Variants in ITPR1 observed in about 807,000 individuals in gnomAD.
ITPR1 encodes the protein inositol 1,4,5-trisphosphate receptor type 1.
Under a neutral mutation model 318.4 loss-of-function variants are expected in ITPR1, and 96 were observed. That is an observed-to-expected ratio of 0.30 (90% CI 0.26 to 0.36). The LOEUF is 0.36. ITPR1 is among the 10% of genes least tolerant of loss of function. The pLI, the probability that ITPR1 is intolerant of heterozygous loss-of-function variation, is 1.00. For missense variants in ITPR1, 2,440 were observed against 3,460.2 expected (o/e 0.71, Z 7.40); for synonymous variants, 1,312 against 1,289.9 (o/e 1.02, Z -0.37).
chr3:4,578,037 A>C (rs1416873541), intron 4 of ITPR1, among the ~76,000 whole-genome samples: 1 of 152,260 alleles, frequency 6.6e-6, no homozygotes, highest in Non-Finnish European at 1.5e-5. Flanking sequence ...GAAACTGTGC[A>C]TTCTATACTC....
At chr3:4,610,678 G>T (rs1001715530) in intron 4 of ITPR1, among the ~76,000 whole-genome samples, 1 of 152,128 alleles carries the variant, frequency 6.6e-6, no homozygotes, top group Non-Finnish European at 1.5e-5. Flanking sequence ...GGTTTAACCC[G>T]AAGTCCATGG....
At chr3:4,796,291 C>G (rs2047892305) in intron 53 of ITPR1, among the ~76,000 whole-genome samples, 1 of 97,156 alleles carries the variant, frequency 1.0e-5, no homozygotes, top group Non-Finnish European at 2.2e-5. Context: ...AACACAAGTC[C>G]AGGGGGGATT....
intron 57 of ITPR1, 42 bp from the exon 58 acceptor site, chr3:4,814,381 C>T: frequency 6.2e-7 from 1 of 1,610,018 alleles, no homozygotes; most frequent in Non-Finnish European, 8.5e-7. Flanking sequence ...TCTCTCTTTT[C>T]TCCTCACGTT....
chr3:4,799,505 C>A (rs2048090436), intron 53 of ITPR1, among the ~76,000 whole-genome samples: 1 of 152,184 alleles, frequency 6.6e-6, no homozygotes, highest in Non-Finnish European at 1.5e-5. Context: ...GCAAAGGTGT[C>A]TCCTCCCCAG....
At chr3:4,813,533 G>A (rs1490869445) in intron 57 of ITPR1, among the ~76,000 whole-genome samples, 3 of 152,206 alleles carry the variant, frequency 2.0e-5, no homozygotes, top group Admixed American at 2.0e-4. Flanking sequence ...TTGCTAGAGA[G>A]TTGCCCAATG....
At chr3:4,706,730 G>A (rs1254744709) in intron 37 of ITPR1, among the ~76,000 whole-genome samples, 2 of 152,188 alleles carry the variant, frequency 1.3e-5, no homozygotes, top group African/African-American at 4.8e-5. Flanking sequence ...AACAAGGGTG[G>A]TGATACCTGA....
intron 4 of ITPR1, among the ~76,000 whole-genome samples, chr3:4,546,385 C>G (rs2124987663): frequency 6.6e-6 from 1 of 152,240 alleles, no homozygotes; most frequent in South Asian, 2.1e-4. Context: ...TACCCATTTT[C>G]CAGCCAAAAG....
chr3:4,541,672 C>G (rs2084459779), intron 4 of ITPR1, among the ~76,000 whole-genome samples: 2 of 151,952 alleles, frequency 1.3e-5, no homozygotes, highest in Admixed American at 1.3e-4. Flanking sequence ...TGTTGCCAGG[C>G]TGGAGTGCAG....
At chr3:4,652,250 A>G in intron 11 of ITPR1, 32 bp downstream of exon 11, 3 of 1,510,232 alleles carry the variant, frequency 2.0e-6, no homozygotes, top group East Asian at 2.3e-5. Context: ...TTTCTCTTTC[A>G]AGGCTGACGC....
intron 43 of ITPR1, 109 bp from the exon 44 acceptor site, chr3:4,735,055 T>A: frequency 1.2e-6 from 1 of 808,902 alleles, no homozygotes. Flanking sequence ...TTAAAAGAGA[T>A]GAACATGGGT....
chr3:4,582,108 G>A (rs1197469565), intron 4 of ITPR1, among the ~76,000 whole-genome samples: 2 of 152,076 alleles, frequency 1.3e-5, no homozygotes, highest in African/African-American at 2.4e-5. Context: ...CGGTGCTCCC[G>A]TACTGGCCTC....
intron 60 of ITPR1, chr3:4,825,624 A>G: frequency 2.3e-6 from 1 of 425,662 alleles, no homozygotes; most frequent in Non-Finnish European, 4.7e-6. Context: ...TGTATTTGAT[A>G]AGATGACACA....
Position 4,815,237 on chromosome 3 carries a change from C to T in ITPR1, c.7867+19C>T. 1.9e-6 allele frequency: 3 copies of T among 1,612,724 alleles called. No individual in the cohort carries two copies. On this transcript the variant is annotated intron_variant, in intron 59 of 61. Transcript: ENST00000649015. ...ATCTGTGGTGAGTGTCGCTGGCCAG[C>T]TCCAGCAAGGGCGTGAAGGCCCAGC...
At chr3:4,840,877 T>A (rs976203453) in intron 61 of ITPR1, among the ~76,000 whole-genome samples, 2 of 152,216 alleles carry the variant, frequency 1.3e-5, no homozygotes, top group Admixed American at 6.5e-5. Flanking sequence ...AGGGCTAACT[T>A]TCTTGAAAAT....
At chr3:4,655,408 A>G (rs1260681363) in intron 12 of ITPR1, among the ~76,000 whole-genome samples, 1 of 152,098 alleles carries the variant, frequency 6.6e-6, no homozygotes, top group Non-Finnish European at 1.5e-5. Flanking sequence ...CAGGAGGAAG[A>G]GTGCAGTTTA....
chr3:4,563,269 A>T (rs774526393), intron 4 of ITPR1, among the ~76,000 whole-genome samples: 7 of 152,180 alleles, frequency 4.6e-5, no homozygotes, highest in Non-Finnish European at 1.0e-4. Flanking sequence ...GCACTTCAAA[A>T]GGCCAAGGCA....
At chr3:4,689,797 C>G (rs958814007) in intron 31 of ITPR1, among the ~76,000 whole-genome samples, 34 of 152,320 alleles carry the variant, frequency 2.2e-4, no homozygotes, top group Non-Finnish European at 2.4e-4. Context: ...GCAAAGAACA[C>G]TATTTTTGAA....
chr3:4,801,035 G>A (rs2048196131), intron 54 of ITPR1, among the ~76,000 whole-genome samples: 1 of 152,210 alleles, frequency 6.6e-6, no homozygotes, highest in African/African-American at 2.4e-5. Flanking sequence ...GCCAAATACA[G>A]AGACAGGGCA....
chr3:4,638,361 G>A (rs1285968764), intron 5 of ITPR1, among the ~76,000 whole-genome samples: 1 of 152,208 alleles, frequency 6.6e-6, no homozygotes, highest in East Asian at 1.9e-4. Context: ...TTTGCTGACT[G>A]CCTGGGATGA....
Sources: allele counts gnomAD v4.1 joint callset (sites outside exome capture counted in the v4.1 genomes callset), GRCh38; gene constraint gnomAD v4.1.1; transcripts MANE v1.5; gene names NCBI Gene and HGNC (gene_info 2026-07-23, HGNC 2026-07-21).